The following ZNF566 variants were observed in gnomAD, a reference collection of about 807,000 sequenced individuals.
The protein encoded by ZNF566 is zinc finger protein 566.
ZNF566 carries 27 observed loss-of-function variants against 32.8 expected under a neutral mutation model. That is an observed-to-expected ratio of 0.82 (90% CI 0.61 to 1.14). The LOEUF is 1.14. Among genes scored for constraint, ZNF566 ranks in the 50% most tolerant of loss-of-function variants. The pLI, the probability that ZNF566 is intolerant of heterozygous loss-of-function variation, is 0.00. For missense variants in ZNF566, 402 were observed against 490.4 expected (o/e 0.82, Z 1.70); for synonymous variants, 154 against 159.5 (o/e 0.97, Z 0.26).
chr19:36,489,465 GTTTCTCACCTCAGGCCTT>G lies in ZNF566; in HGVS notation c.-60+3_-60+20del. On this transcript the variant is annotated splice_donor_5th_base_variant and intron_variant, in intron 1 of 4. Transcript: ENST00000452939. Reference sequence around the variant, plus strand: ...GGCCCCCGGCCCCGCCCTCTCCCGGGTTTCTCACCTCAGGCCTTACCAGCTTTCGAAGCAGCAGAACCC... The same window carrying G: ...GGCCCCCGGCCCCGCCCTCTCCCGGGACCAGCTTTCGAAGCAGCAGAACCC... 1 of 309,970 alleles carries G rather than the reference GTTTCTCACCTCAGGCCTT, an allele frequency of 3.2e-6. No homozygotes were observed. The highest frequency in any genetic ancestry group is 6.3e-6 in the Non-Finnish European group (1 of 159,264). The allele number at this position is 309,970 out of a possible 1,614,324, so 19.2% of individuals were successfully genotyped here.
At chr19:36,461,389 G>T (rs1362445547) in intron 4 of ZNF566, among the ~76,000 whole-genome samples, 1 of 152,168 alleles carries the variant, frequency 6.6e-6, no homozygotes, top group East Asian at 1.9e-4. Context: ...TAAAACTCTT[G>T]GCTGGACGCA....
At chr19:36,473,274 T>C in intron 3 of ZNF566, 58 bp downstream of exon 3, 1 of 1,597,912 alleles carries the variant, frequency 6.3e-7, no homozygotes, top group Non-Finnish European at 8.6e-7. Flanking sequence ...CATTTCACAT[T>C]GGAGGAAGTA....
At chr19:36,462,269 T>C (rs1406777699) in intron 4 of ZNF566, among the ~76,000 whole-genome samples, 1 of 152,116 alleles carries the variant, frequency 6.6e-6, no homozygotes, top group African/African-American at 2.4e-5. Context: ...ATTACAGACA[T>C]GAGCCACCAT....
chr19:36,480,034 C>T lies in ZNF566; in HGVS notation c.-59-3418G>A, dbSNP rs2033986133. On this transcript the variant is annotated intron_variant, in intron 1 of 4. Transcript: ENST00000452939. The stretch of plus-strand genomic sequence containing the variant: ...CATATATTTGTAAAGAAAACCCCAG[C>T]AAGGCTTTGGGGGGAATAAGGTAAA... Among the ~76,000 whole-genome samples the T allele has an allele frequency of 2.0e-5, 3 of 151,806 alleles. No homozygotes were observed. In the South Asian group the frequency reaches 6.2e-4, roughly 32 times the overall value.
At chr19:36,453,508 T>TAAA (rs879771645) in intron 4 of ZNF566, among the ~76,000 whole-genome samples, 7,064 of 55,862 alleles carry the variant, frequency 0.13, 261 homozygotes, top group Admixed American at 0.25. Flanking sequence ...AATAAATAAA[T>TAAA]TAATTAATTA....
intron 4 of ZNF566, among the ~76,000 whole-genome samples, chr19:36,451,712 T>C (rs568900137): frequency 5.1e-4 from 77 of 152,304 alleles, no homozygotes; most frequent in African/African-American, 1.9e-3. Flanking sequence ...TTGTAAATAC[T>C]ATGGAAGAAT....
intron 4 of ZNF566, among the ~76,000 whole-genome samples, chr19:36,462,216 G>T (rs998115828): frequency 1.3e-5 from 2 of 151,950 alleles, no homozygotes; most frequent in Admixed American, 6.6e-5. Flanking sequence ...TTGAACTCCC[G>T]ACTTCAGGTG....
chr19:36,480,282 T>TTTTTTA (rs2033993440), intron 1 of ZNF566, among the ~76,000 whole-genome samples: 1 of 142,150 alleles, frequency 7.0e-6, no homozygotes. Flanking sequence ...CATGCAATTT[T>TTTTTTA]TTTTTCTTTT....
intron 1 of ZNF566, among the ~76,000 whole-genome samples, chr19:36,483,288 T>C (rs1262837960): frequency 6.6e-6 from 1 of 152,218 alleles, no homozygotes; most frequent in Non-Finnish European, 1.5e-5. Flanking sequence ...TAAATGTGCA[T>C]GTAGACATTT....
Position 36,448,846 on chromosome 19 carries a change from A to T in ZNF566, c.*131T>A. ...GTATTTCTCCAACATTATTTTTCCC[A>T]GGCTGAATAAGCTGTAGTCCACAAA... On this transcript the variant is annotated 3_prime_UTR_variant, in exon 5 of 5. Coordinates refer to ENST00000452939, the MANE Select transcript of ZNF566 (RefSeq NM_001145344.1). The T allele has an allele frequency of 1.3e-6, 1 of 773,676 alleles. No individual in the cohort carries two copies. Among genetic ancestry groups the T allele is most frequent in the Non-Finnish European group, 1.9e-6 (1 of 514,424 alleles). 47.9% of individuals were successfully genotyped at this position (773,676 alleles called of 1,614,324 possible).
intron 4 of ZNF566, among the ~76,000 whole-genome samples, chr19:36,453,060 G>C (rs1375082342): frequency 6.6e-6 from 1 of 151,402 alleles, no homozygotes; most frequent in African/African-American, 2.4e-5. Context: ...GGAGGTTGCA[G>C]TGAGCTGAAA....
chr19:36,489,460 C>A, intron 1 of ZNF566, 26 bp downstream of exon 1: 2 of 309,564 alleles, frequency 6.5e-6, no homozygotes, highest in South Asian at 2.7e-5. Flanking sequence ...CCCGCCCTCT[C>A]CCGGGTTTCT....
intron 4 of ZNF566, among the ~76,000 whole-genome samples, chr19:36,468,103 T>G (rs2033670160): frequency 6.7e-6 from 1 of 149,396 alleles, no homozygotes; most frequent in African/African-American, 2.5e-5. Context: ...AAGAATCACT[T>G]GAACCCGGGA....
intron 4 of ZNF566, among the ~76,000 whole-genome samples, chr19:36,455,228 C>T (rs1288295079): frequency 6.6e-6 from 1 of 152,040 alleles, no homozygotes; most frequent in African/African-American, 2.4e-5. Context: ...ATAATAAAGG[C>T]CATATATGAC....
chr19:36,486,160 A>C (rs549947196), intron 1 of ZNF566, among the ~76,000 whole-genome samples: 1 of 152,376 alleles, frequency 6.6e-6, no homozygotes, highest in East Asian at 1.9e-4. Flanking sequence ...AAAGGATTAA[A>C]GAACACTCAA....
intron 1 of ZNF566, among the ~76,000 whole-genome samples, chr19:36,479,801 T>A (rs1219655881): frequency 6.6e-6 from 1 of 150,930 alleles, no homozygotes; most frequent in Non-Finnish European, 1.5e-5. Flanking sequence ...TCCAGCTAAA[T>A]GTTTGGGGTT....
At position 36,448,833 on chromosome 19, in the gene ZNF566, C is replaced by A; in HGVS notation, c.*144G>T. The A allele has an allele frequency of 1.4e-6, 1 of 703,342 alleles. No individual in the cohort carries two copies. The allele number at this position is 703,342 out of a possible 1,614,324, so 43.6% of individuals were successfully genotyped here. ...TTCTATTCATAGAGTATTTCTCCAACATTATTTTTCCCAGGCTGAATAAGC... is the reference window on the plus strand; with the variant it reads ...TTCTATTCATAGAGTATTTCTCCAAAATTATTTTTCCCAGGCTGAATAAGC... On this transcript the variant is annotated 3_prime_UTR_variant, in exon 5 of 5. Coordinates refer to ENST00000452939, the MANE Select transcript of ZNF566 (RefSeq NM_001145344.1).
chr19:36,461,624 T>C (rs989880974), intron 4 of ZNF566, among the ~76,000 whole-genome samples: 1 of 151,988 alleles, frequency 6.6e-6, no homozygotes. Flanking sequence ...TGAGCCAAGA[T>C]CACGCCACTG....
intron 1 of ZNF566, among the ~76,000 whole-genome samples, chr19:36,477,634 G>A (rs1486420225): frequency 6.7e-6 from 1 of 149,298 alleles, no homozygotes; most frequent in Non-Finnish European, 1.5e-5. Context: ...CGCCTCCCAG[G>A]TTCACGCCAT....
Sources: allele counts gnomAD v4.1 joint callset (sites outside exome capture counted in the v4.1 genomes callset), GRCh38; gene constraint gnomAD v4.1.1; transcripts MANE v1.5; gene names NCBI Gene and HGNC (gene_info 2026-07-23, HGNC 2026-07-21).